The following TNFRSF8 variants were observed in gnomAD, a reference collection of about 807,000 sequenced individuals.
The protein encoded by TNFRSF8 is TNF receptor superfamily member 8.
Under a neutral mutation model 70.8 loss-of-function variants are expected in TNFRSF8, and 26 were observed. The observed-to-expected ratio is 0.37, with a 90% CI of 0.27 to 0.51. The LOEUF is 0.51. Among genes scored for constraint, TNFRSF8 ranks in the 20% least tolerant of loss-of-function variants. The probability of loss-of-function intolerance (pLI) is 0.94; values close to 1 mark genes in which losing one functional copy is unlikely to be tolerated. For synonymous variants in TNFRSF8, 356 were observed against 339.2 expected (o/e 1.05, Z -0.54); for missense variants, 720 against 807.9 (o/e 0.89, Z 1.32).
In TNFRSF8 at chr1:12,088,247, C is replaced by G. The variant is rs1641188621; in HGVS notation, c.151+3696C>G. Among the ~76,000 whole-genome samples the G allele has an allele frequency of 6.6e-6, 1 of 152,166 alleles. No homozygotes were observed. The highest frequency in any genetic ancestry group is 2.4e-5 in the African/African-American group (1 of 41,436). On this transcript the variant is annotated intron_variant, in intron 2 of 14. Transcript: ENST00000263932. This position sits in a 1 kb window ranked among gnomAD's most constrained non-coding sequence, Gnocchi z 4.0. ...TACTCTTGGTGACGGGGAGCTCATT[C>G]ACTGACTCATAACAATGACCACGAT...
At chr1:12,136,437 T>G (rs1570085941) in intron 13 of TNFRSF8, among the ~76,000 whole-genome samples, 2 of 151,972 alleles carry the variant, frequency 1.3e-5, no homozygotes, top group South Asian at 4.1e-4. Context: ...TCACCTGAGG[T>G]CAGGAGTTCG....
Position 12,109,320 on chromosome 1 carries a change from A to AG in TNFRSF8, c.422-241dup, listed in dbSNP as rs1641583291. On this transcript the variant is annotated intron_variant, in intron 4 of 14. Transcript: ENST00000263932. The surrounding 1 kb of genome is among the most constrained non-coding windows in gnomAD (Gnocchi z 4.4). Reference sequence around the variant, plus strand: ...GCCTGGTCTCATGGCCACTCGGGAAAGGGGGTTCAGTCGGTCCCAACCCCT... The same window carrying AG: ...GCCTGGTCTCATGGCCACTCGGGAAAGGGGGGTTCAGTCGGTCCCAACCCCT... Among the ~76,000 whole-genome samples the AG allele has an allele frequency of 6.6e-6, 1 of 152,180 alleles. No homozygotes were observed. The highest frequency in any genetic ancestry group is 1.5e-5 in the Non-Finnish European group (1 of 68,024).
intron 4 of TNFRSF8, among the ~76,000 whole-genome samples, chr1:12,104,896 G>A (rs1570033558): frequency 6.6e-6 from 1 of 152,182 alleles, no homozygotes; most frequent in African/African-American, 2.4e-5. Flanking sequence ...CCCCTTTCAG[G>A]TTCAGGGCAT....
intron 3 of TNFRSF8, among the ~76,000 whole-genome samples, chr1:12,101,561 G>T (rs115705361): frequency 6.6e-6 from 1 of 152,186 alleles, no homozygotes; most frequent in African/African-American, 2.4e-5. Flanking sequence ...AACTGGCAGG[G>T]CAGTAGGTTT....
chr1:12,137,474 G>A (rs535137702), intron 13 of TNFRSF8, among the ~76,000 whole-genome samples: 9 of 151,782 alleles, frequency 5.9e-5, no homozygotes, highest in African/African-American at 2.2e-4. Flanking sequence ...CATTTCATGA[G>A]GCCACTTCTT....
At chr1:12,129,762 T>C (rs1027975730) in intron 12 of TNFRSF8, among the ~76,000 whole-genome samples, 1 of 152,214 alleles carries the variant, frequency 6.6e-6, no homozygotes, top group Non-Finnish European at 1.5e-5. Flanking sequence ...CTGTGTACTT[T>C]GAGCGCTCGA....
chr1:12,120,041 C>T (rs74052999), intron 8 of TNFRSF8, among the ~76,000 whole-genome samples: 2,215 of 152,170 alleles, frequency 0.015, 46 homozygotes, highest in African/African-American at 0.051. Flanking sequence ...TAGTTCTGAA[C>T]CTAGAATTTA....
rs953580235 is a variant in TNFRSF8, at chr1:12,119,021, C to T, written c.946+3292C>T. 4.6e-5 allele frequency among the ~76,000 whole-genome samples: 7 copies of T among 152,264 alleles called. No homozygotes were observed. The highest frequency in any genetic ancestry group is 3.9e-4 in the East Asian group (2 of 5,170). On this transcript the variant is annotated intron_variant, in intron 8 of 14. Coordinates refer to ENST00000263932, the MANE Select transcript of TNFRSF8 (RefSeq NM_001243.5). The surrounding 1 kb of genome is among the most constrained non-coding windows in gnomAD (Gnocchi z 4.4). ...CTGGGATTACAGGCACGCGCCACCA[C>T]GCCTGGCTAATTTTTGTATTTTTAG...
chr1:12,097,595 T>G (rs995626642), intron 3 of TNFRSF8, among the ~76,000 whole-genome samples: 1 of 152,170 alleles, frequency 6.6e-6, no homozygotes, highest in South Asian at 2.1e-4. Flanking sequence ...GGAGTTTGAG[T>G]TGTGGCCTGA....
chr1:12,138,121 G>C lies in TNFRSF8; in HGVS notation c.1336-108G>C. On this transcript the variant is annotated intron_variant, in intron 13 of 14. Coordinates refer to ENST00000263932, the MANE Select transcript of TNFRSF8 (RefSeq NM_001243.5). This position sits in a 1 kb window ranked among gnomAD's most constrained non-coding sequence, Gnocchi z 5.7. ...CATGGCAGCTTTTAAAGCAGAAAGGGGGACTCACTGGGGTCTGTAGAGATG... is the reference window on the plus strand; with the variant it reads ...CATGGCAGCTTTTAAAGCAGAAAGGCGGACTCACTGGGGTCTGTAGAGATG... 8.8e-7 allele frequency: 1 copy of C among 1,137,720 alleles called. No homozygotes were observed. The allele number at this position is 1,137,720 out of a possible 1,614,324, so 70.5% of individuals were successfully genotyped here.
At chr1:12,097,069 C>T (rs202021693) in intron 2 of TNFRSF8, 32 bp from the exon 3 acceptor site, 265 of 1,589,194 alleles carry the variant, frequency 1.7e-4, no homozygotes, top group Non-Finnish European at 2.1e-4. Flanking sequence ...CTAAGTCAGC[C>T]TGGCTTGGAG....
In TNFRSF8 at chr1:12,088,585, A is replaced by G. The variant is rs545448512; in HGVS notation, c.151+4034A>G. On this transcript the variant is annotated intron_variant, in intron 2 of 14. Transcript: ENST00000263932. The surrounding 1 kb of genome is among the most constrained non-coding windows in gnomAD (Gnocchi z 4.0). The stretch of plus-strand genomic sequence containing the variant: ...TTCCTGTTCTCCATCTTCCTGGACT[A>G]CCCTCTCTTTGTGTGCAGACTCGCT... Among the ~76,000 whole-genome samples the G allele has an allele frequency of 6.6e-6, 1 of 152,184 alleles. No individual in the cohort carries two copies. Among genetic ancestry groups the G allele is most frequent in the South Asian group, 2.1e-4 (1 of 4,816 alleles).
Position 12,125,936 on chromosome 1 carries a change from G to A in TNFRSF8, c.1154-15G>A, listed in dbSNP as rs756131624. 58 of 1,609,930 alleles carry A rather than the reference G, an allele frequency of 3.6e-5. No homozygotes were observed. The highest frequency in any genetic ancestry group is 1.7e-4 in the Middle Eastern group (1 of 6,024). Reference sequence around the variant, plus strand: ...TGCAGCAAGGCAAAGAGTGTGGGGCGTCTCTGTGTTCCAGGGCCAGTGCTC... The same window carrying A: ...TGCAGCAAGGCAAAGAGTGTGGGGCATCTCTGTGTTCCAGGGCCAGTGCTC... On this transcript the variant is annotated splice_polypyrimidine_tract_variant and intron_variant, in intron 10 of 14. Transcript: ENST00000263932.
chr1:12,136,401 C>G (rs944423145), intron 13 of TNFRSF8, among the ~76,000 whole-genome samples: 5 of 152,122 alleles, frequency 3.3e-5, no homozygotes, highest in African/African-American at 1.2e-4. Flanking sequence ...AAAATCCCAG[C>G]ATTTTGGGAG....
At chr1:12,139,257 C>A (rs1227882444) in intron 14 of TNFRSF8, among the ~76,000 whole-genome samples, 1 of 152,178 alleles carries the variant, frequency 6.6e-6, no homozygotes, top group Non-Finnish European at 1.5e-5. Context: ...AGTTGTAGCT[C>A]CCCGACCAGA....
chr1:12,131,552 T>C (rs1048420163), intron 12 of TNFRSF8, among the ~76,000 whole-genome samples: 8 of 152,102 alleles, frequency 5.3e-5, no homozygotes, highest in Admixed American at 3.3e-4. Flanking sequence ...CACTCTGGAG[T>C]GCCATGGTAC....
intron 1 of TNFRSF8, among the ~76,000 whole-genome samples, chr1:12,077,132 C>T (rs922657785): frequency 3.3e-5 from 5 of 152,018 alleles, no homozygotes; most frequent in Non-Finnish European, 5.9e-5. Context: ...CCGTGTTGCC[C>T]GGGCTGGTCT....
At chr1:12,086,441 G>A (rs944723159) in intron 2 of TNFRSF8, among the ~76,000 whole-genome samples, 3 of 151,592 alleles carry the variant, frequency 2.0e-5, no homozygotes, top group African/African-American at 7.3e-5. Flanking sequence ...TTCACTGGTC[G>A]GCCATCCACC....
Position 12,125,944 on chromosome 1 carries a change from G to A in TNFRSF8, c.1154-7G>A. The A allele has an allele frequency of 6.2e-7, 1 of 1,613,588 alleles. No individual in the cohort carries two copies. The highest frequency in any genetic ancestry group is 8.5e-7 in the Non-Finnish European group (1 of 1,179,496). On this transcript the variant is annotated splice_region_variant and splice_polypyrimidine_tract_variant and intron_variant, in intron 10 of 14. Coordinates refer to ENST00000263932, the MANE Select transcript of TNFRSF8 (RefSeq NM_001243.5). ...GGCAAAGAGTGTGGGGCGTCTCTGT[G>A]TTCCAGGGCCAGTGCTCTTCTGGGT...
Sources: gnomAD v4.1 joint callset for allele counts (sites outside exome capture counted in the v4.1 genomes callset) on GRCh38, gnomAD v4.1.1 for gene constraint, Gnocchi (gnomAD v3.1) non-coding constraint, MANE v1.5 for transcripts, NCBI Gene and HGNC (gene_info 2026-07-23, HGNC 2026-07-21) for gene names.